Variants in SLC15A1 observed in about 807,000 individuals in gnomAD.
SLC15A1 encodes the protein Caco-2 oligopeptide transporter.
In SLC15A1, 83 loss-of-function variants were observed where a neutral mutation model predicts 92.9. The ratio of observed to expected loss-of-function variants is 0.89; its 90% CI spans 0.75 to 1.07. The LOEUF (loss-of-function observed/expected upper bound fraction) is 1.07, where lower values mean the gene tolerates loss of function less well. Among genes scored for constraint, SLC15A1 ranks in the 50% least tolerant of loss-of-function variants. SLC15A1 has a pLI of 0.00. For synonymous variants in SLC15A1, 322 were observed against 318.2 expected (o/e 1.01, Z -0.13); for missense variants, 857 against 880.1 (o/e 0.97, Z 0.33).
At chr13:98,744,740 T>C (rs563214934) in intron 1 of SLC15A1, among the ~76,000 whole-genome samples, 2,772 of 105,548 alleles carry the variant, frequency 0.026, 110 homozygotes, top group African/African-American at 0.099. Flanking sequence ...CAGAGCAAGA[T>C]TCCATCTCAA....
At chr13:98,728,910 G>A (rs769230646) in intron 1 of SLC15A1, among the ~76,000 whole-genome samples, 11 of 143,618 alleles carry the variant, frequency 7.7e-5, no homozygotes, top group Non-Finnish European at 1.4e-4. Flanking sequence ...GGACCTGGGA[G>A]GTGGAGGTTG....
In SLC15A1 at chr13:98,710,822, A is replaced by AG. The variant is rs573644309; in HGVS notation, c.901-912_901-911insC. 4.0e-3 allele frequency among the ~76,000 whole-genome samples: 606 copies of AG among 151,504 alleles called. 4 individuals are homozygous for AG. Among genetic ancestry groups the AG allele is most frequent in the Non-Finnish European group, 6.9e-3 (470 of 67,798 alleles). On this transcript the variant is annotated intron_variant, in intron 11 of 22. Coordinates refer to ENST00000376503, the MANE Select transcript of SLC15A1 (RefSeq NM_005073.4). ...GACTCTTGACTCAAAAAAAAAAAAAAAAAAAAAAAAGAAATCTACCCCTGT... is the reference window on the plus strand; with the variant it reads ...GACTCTTGACTCAAAAAAAAAAAAAAGAAAAAAAAAAGAAATCTACCCCTGT...
chr13:98,712,114 A>C (rs2088168517), intron 10 of SLC15A1, among the ~76,000 whole-genome samples, 171 bp from the exon 11 acceptor site: 1 of 152,202 alleles, frequency 6.6e-6, no homozygotes, highest in Non-Finnish European at 1.5e-5. Context: ...AAAATCGAAA[A>C]TGTCTAAACT....
At chr13:98,709,496 G>A in intron 14 of SLC15A1, 76 bp downstream of exon 14, 9 of 1,201,502 alleles carry the variant, frequency 7.5e-6, no homozygotes, top group Non-Finnish European at 1.1e-5. Flanking sequence ...GGGAAGGGCT[G>A]CAGGCTGAGC....
chr13:98,685,908 C>T (rs1002599891), intron 22 of SLC15A1, among the ~76,000 whole-genome samples: 1 of 151,874 alleles, frequency 6.6e-6, no homozygotes, highest in Non-Finnish European at 1.5e-5. Context: ...ATCACTTGAA[C>T]CCGAGAGGCG....
At position 98,686,214 on chromosome 13, in the gene SLC15A1, T is replaced by A. The variant is rs763272598; in HGVS notation, c.1911A>T (p.Ala637=). The change falls in exon 22 of 23, where the codon GCA becomes GCT. Residue 637 remains alanine, a synonymous_variant. Transcript: ENST00000376503. ...CCTGTTTGCTGAACTGGCCTGCCCCTGCCACGATGAGCACAATGATGTTGC... is the reference window on the plus strand; with the variant it reads ...CCTGTTTGCTGAACTGGCCTGCCCCAGCCACGATGAGCACAATGATGTTGC... ...AVGNIIVLIV[A]GAGQFSKQWA... The A allele has an allele frequency of 1.9e-6, 3 of 1,613,810 alleles. No individual in the cohort carries two copies. The highest frequency in any genetic ancestry group is 2.5e-6 in the Non-Finnish European group (3 of 1,179,898).
At chr13:98,716,921 A>G (rs1191732835) in intron 8 of SLC15A1, among the ~76,000 whole-genome samples, 1 of 152,212 alleles carries the variant, frequency 6.6e-6, no homozygotes, top group Non-Finnish European at 1.5e-5. Context: ...GTGGCAGCTC[A>G]TGTCTGTAAT....
intron 1 of SLC15A1, among the ~76,000 whole-genome samples, chr13:98,749,694 C>G (rs73553220): frequency 0.02 from 3,004 of 152,272 alleles, 30 homozygotes; most frequent in African/African-American, 0.04. Context: ...GCTCTGAGAA[C>G]CACACAGATA....
At chr13:98,686,333 T>A in intron 21 of SLC15A1, 36 bp from the exon 22 acceptor site, 1 of 1,420,002 alleles carries the variant, frequency 7.0e-7, no homozygotes, top group Non-Finnish European at 9.8e-7. Context: ...CTGCTCCAGG[T>A]CTCACCCTCC....
intron 18 of SLC15A1, among the ~76,000 whole-genome samples, chr13:98,693,441 T>C (rs1283653249): frequency 6.6e-6 from 1 of 152,180 alleles, no homozygotes; most frequent in African/African-American, 2.4e-5. Flanking sequence ...TAGGCAGTGG[T>C]ATCTCATTGT....
Position 98,684,691 on chromosome 13 carries a change from G to A in SLC15A1, c.*33C>T. 1 of 1,595,546 alleles carries A rather than the reference G, an allele frequency of 6.3e-7. No homozygotes were observed. The highest frequency in any genetic ancestry group is 8.6e-7 in the Non-Finnish European group (1 of 1,165,058). On this transcript the variant is annotated 3_prime_UTR_variant, in exon 23 of 23. Coordinates refer to ENST00000376503, the MANE Select transcript of SLC15A1 (RefSeq NM_005073.4). ...GGGGGCAGAGGTCAGGGCATCTGCG[G>A]GCCCAGTCCATCCTCCACTTGCCTC...
chr13:98,697,176 C>T (rs1193062183), intron 18 of SLC15A1, among the ~76,000 whole-genome samples: 1 of 152,196 alleles, frequency 6.6e-6, no homozygotes, highest in Non-Finnish European at 1.5e-5. Flanking sequence ...CTGCCTCAGT[C>T]TCCCCAGTAG....
In SLC15A1 at chr13:98,726,853, G is replaced by T; in HGVS notation, c.11C>A (p.Ser4Tyr). 1 of 1,613,346 alleles carries T rather than the reference G, an allele frequency of 6.2e-7. No homozygotes were observed. Residue 4 changes from serine (S) to tyrosine (Y), a missense_variant, in exon 2 of 23, where the codon TCC becomes TAC. Ser to Tyr is a moderately radical substitution (Grantham distance 144, BLOSUM62 -2). Transcript: ENST00000376503. MGM[S>Y]KSHSFFGYPL... ...AAAAAGGGTACTCACGTGTGATTTG[G>T]ACATTCCTAAAAGAAAAACAGAATC...
At chr13:98,735,676 A>G (rs1483294991) in intron 1 of SLC15A1, among the ~76,000 whole-genome samples, 1 of 152,228 alleles carries the variant, frequency 6.6e-6, no homozygotes, top group Non-Finnish European at 1.5e-5. Flanking sequence ...CAAAAATCAC[A>G]AGCATTCCTA....
intron 4 of SLC15A1, among the ~76,000 whole-genome samples, chr13:98,724,855 A>G (rs1395036025): frequency 6.6e-6 from 1 of 152,186 alleles, no homozygotes; most frequent in Non-Finnish European, 1.5e-5. Flanking sequence ...TAATTTTTGT[A>G]GAATTCTTTA....
chr13:98,691,221 T>C (rs2087973057), intron 18 of SLC15A1, among the ~76,000 whole-genome samples: 1 of 152,108 alleles, frequency 6.6e-6, no homozygotes, highest in African/African-American at 2.4e-5. Flanking sequence ...TTTTTTGTAT[T>C]TTTAGTAGAG....
chr13:98,709,980 G>T, intron 11 of SLC15A1, 69 bp from the exon 12 acceptor site: 2 of 1,453,746 alleles, frequency 1.4e-6, no homozygotes, highest in Non-Finnish European at 1.9e-6. Context: ...AGTCAATGGT[G>T]AGTCTTTTCC....
At chr13:98,717,041 T>A (rs1417345588) in intron 8 of SLC15A1, among the ~76,000 whole-genome samples, 2 of 152,180 alleles carry the variant, frequency 1.3e-5, no homozygotes, top group African/African-American at 2.4e-5. Flanking sequence ...AAAAAATTTT[T>A]AAAAATTTAA....
intron 4 of SLC15A1, among the ~76,000 whole-genome samples, chr13:98,725,191 G>C (rs965585805): frequency 3.9e-5 from 6 of 152,128 alleles, no homozygotes; most frequent in African/African-American, 1.4e-4. Context: ...TCAGATGCTT[G>C]GTCTTCCAGC....
Sources: gnomAD v4.1 joint callset for allele counts (sites outside exome capture counted in the v4.1 genomes callset) on GRCh38, gnomAD v4.1.1 for gene constraint, MANE v1.5 for transcripts, NCBI Gene and HGNC (gene_info 2026-07-23, HGNC 2026-07-21) for gene names.